Variants in MAP3K8 observed in about 807,000 individuals in gnomAD.
MAP3K8 encodes the protein mitogen-activated protein kinase kinase kinase 8, also known as Ewing sarcoma transformant.
A neutral mutation model predicts 45.8 loss-of-function variants in MAP3K8; 22 were observed. The observed-to-expected ratio is 0.48, with a 90% CI of 0.34 to 0.69. MAP3K8 has a LOEUF of 0.69. Among genes scored for constraint, MAP3K8 ranks in the 30% least tolerant of loss-of-function variants. MAP3K8 has a pLI of 0.01. For missense variants in MAP3K8, 419 were observed against 585.0 expected (o/e 0.72, Z 2.93); for synonymous variants, 223 against 214.3 (o/e 1.04, Z -0.36).
intron 6 of MAP3K8, among the ~76,000 whole-genome samples, chr10:30,456,348 G>T (rs764367444): frequency 1.3e-5 from 2 of 152,114 alleles, no homozygotes; most frequent in African/African-American, 2.4e-5. Flanking sequence ...AAGTCCTCTG[G>T]CTCTGCTGCA....
At chr10:30,454,258 C>G (rs1029265685) in intron 6 of MAP3K8, among the ~76,000 whole-genome samples, 1 of 152,028 alleles carries the variant, frequency 6.6e-6, no homozygotes, top group Non-Finnish European at 1.5e-5. Flanking sequence ...AGATGACAAC[C>G]CTTAGTCTAG....
chr10:30,438,084 C>T (rs1246957412), intron 2 of MAP3K8, among the ~76,000 whole-genome samples: 4 of 152,178 alleles, frequency 2.6e-5, no homozygotes, highest in Non-Finnish European at 5.9e-5. Context: ...GTCACTTGGA[C>T]TTGCTTATGA....
chr10:30,458,268 C>CGGGGGGGGGGCGGGGG, intron 7 of MAP3K8, 32 bp downstream of exon 7: 1 of 439,436 alleles, frequency 2.3e-6, no homozygotes, highest in Non-Finnish European at 3.7e-6. Context: ...CTGGGGGCGG[C>CGGGGGGGGGGCGGGGG]GGGGGGGGGC....
chr10:30,440,352 G>T (rs1351017886), intron 3 of MAP3K8, among the ~76,000 whole-genome samples: 2 of 152,174 alleles, frequency 1.3e-5, no homozygotes, highest in Non-Finnish European at 2.9e-5. Flanking sequence ...TGGCAAAATG[G>T]CTAATGTTGG....
At position 30,451,661 on chromosome 10, in the gene MAP3K8, A is replaced by G; in HGVS notation, c.790A>G (p.Thr264Ala). The change falls in exon 6 of 9, where the codon ACA (threonine) becomes GCA (alanine). Residue 264 changes from threonine (T) to alanine (A), a missense_variant. Thr to Ala is a moderately conservative substitution (Grantham distance 58). Around this residue, in one of 3 missense-constraint regions of MAP3K8, gnomAD observed 209 missense variants for 367.3 expected, o/e 0.57. Transcript: ENST00000263056. ...IKPSNIVFMS[T>A]KAVLVDFGLS... ...AGCTAGCAACATTGTTTTCATGTCCACAAAAGCTGTTTTGGTGGATTTTGG... is the reference window on the plus strand; with the variant it reads ...AGCTAGCAACATTGTTTTCATGTCCGCAAAAGCTGTTTTGGTGGATTTTGG... 6.3e-7 allele frequency: 1 copy of G among 1,594,962 alleles called. No individual in the cohort carries two copies. The highest frequency in any genetic ancestry group is 8.6e-7 in the Non-Finnish European group (1 of 1,169,376).
intron 3 of MAP3K8, among the ~76,000 whole-genome samples, chr10:30,440,907 T>A (rs1181197978): frequency 6.6e-6 from 1 of 152,156 alleles, no homozygotes; most frequent in African/African-American, 2.4e-5. Flanking sequence ...AAGACTTAGG[T>A]ATGTTTGCTT....
intron 1 of MAP3K8, 146 bp downstream of exon 1, chr10:30,434,524 C>T (rs1835847936): frequency 4.1e-6 from 4 of 985,626 alleles, no homozygotes; most frequent in Admixed American, 6.1e-5. Flanking sequence ...CCCACAGCTG[C>T]GCTCGCGGGT....
At chr10:30,449,864 CT>C (rs1836476490) in intron 4 of MAP3K8, among the ~76,000 whole-genome samples, 1 of 152,140 alleles carries the variant, frequency 6.6e-6, no homozygotes, top group African/African-American at 2.4e-5. Context: ...GCAACAAACA[CT>C]TCATATTATC....
At chr10:30,456,999 G>A (rs1335259655) in intron 6 of MAP3K8, among the ~76,000 whole-genome samples, 1 of 151,998 alleles carries the variant, frequency 6.6e-6, no homozygotes, top group Non-Finnish European at 1.5e-5. Context: ...CAGGAGAATA[G>A]CTTGAACCCG....
intron 1 of MAP3K8, among the ~76,000 whole-genome samples, chr10:30,436,603 T>C (rs999982436): frequency 6.6e-6 from 1 of 151,898 alleles, no homozygotes; most frequent in Non-Finnish European, 1.5e-5. Flanking sequence ...ACAGCTCTTT[T>C]AGGATTTGTC....
chr10:30,434,168 G>C (rs1157637425), upstream of MAP3K8: 1 of 152,786 alleles, frequency 6.5e-6, no homozygotes, highest in Non-Finnish European at 1.5e-5. Context: ...CTGAGCGTGC[G>C]GGCGACGCGG....
intron 4 of MAP3K8, among the ~76,000 whole-genome samples, 194 bp from the exon 5 acceptor site, chr10:30,450,064 A>T (rs1319547671): frequency 6.6e-6 from 1 of 152,228 alleles, no homozygotes; most frequent in Non-Finnish European, 1.5e-5. Context: ...TGAATTTTAT[A>T]CTTAAAGCTG....
intron 6 of MAP3K8, among the ~76,000 whole-genome samples, chr10:30,453,914 GAGAAGGAA>G (rs1474473114): frequency 1.2e-4 from 7 of 60,734 alleles, no homozygotes; most frequent in Admixed American, 5.1e-4. Context: ...GAGGGAGAGA[GAGAAGGAA>G]GGAAGGAAGG....
chr10:30,446,679 ACG>A (rs1836352059), intron 3 of MAP3K8, among the ~76,000 whole-genome samples: 3 of 152,252 alleles, frequency 2.0e-5, no homozygotes, highest in East Asian at 3.9e-4. Context: ...TGTTACAGGC[ACG>A]CGTTCCAGAT....
chr10:30,446,666 A>T (rs1210432976), intron 3 of MAP3K8, among the ~76,000 whole-genome samples: 1 of 152,146 alleles, frequency 6.6e-6, no homozygotes, highest in Non-Finnish European at 1.5e-5. Flanking sequence ...AACACTCTGG[A>T]CATGTTACAG....
At position 30,451,619 on chromosome 10, in the gene MAP3K8, A is replaced by T; in HGVS notation, c.767-19A>T. The T allele has an allele frequency of 1.1e-5, 16 of 1,424,594 alleles. No homozygotes were observed. The highest frequency in any genetic ancestry group is 1.4e-5 in the Non-Finnish European group (14 of 1,027,962). The allele number at this position is 1,424,594 out of a possible 1,614,324, so 88.2% of individuals were successfully genotyped here. A position where few individuals can be genotyped will look rare whatever the true frequency, so the allele number is the denominator to read the frequency against. ...GTATATAAAAAATTTTATCTTAAAA[A>T]TATTTCCTCTCATTTTAGCTAGCAA... On this transcript the variant is annotated intron_variant, in intron 5 of 8. Transcript: ENST00000263056.
chr10:30,459,978 G>T (rs970483991), intron 8 of MAP3K8, among the ~76,000 whole-genome samples: 1 of 152,080 alleles, frequency 6.6e-6, no homozygotes, highest in Non-Finnish European at 1.5e-5. Flanking sequence ...GAGTAGCTGG[G>T]ATTACAGGTG....
chr10:30,455,567 A>T (rs954724881), intron 6 of MAP3K8, among the ~76,000 whole-genome samples: 2 of 152,230 alleles, frequency 1.3e-5, no homozygotes, highest in African/African-American at 2.4e-5. Flanking sequence ...GAGAATACAT[A>T]GTGAATGCGA....
In MAP3K8 at chr10:30,460,884, G is replaced by T; in HGVS notation, c.*48G>T. Reference sequence around the variant, plus strand: ...TTAAGACAGCATTGATCTCCTGGAGGCTGGTTCTGCTGCCTCTACACAGGG... The same window carrying T: ...TTAAGACAGCATTGATCTCCTGGAGTCTGGTTCTGCTGCCTCTACACAGGG... On this transcript the variant is annotated 3_prime_UTR_variant, in exon 9 of 9. Transcript: ENST00000263056. 3.7e-6 allele frequency: 6 copies of T among 1,604,194 alleles called. No homozygotes were observed. Among genetic ancestry groups the T allele is most frequent in the Non-Finnish European group, 5.1e-6 (6 of 1,177,374 alleles).
Sources: gnomAD v4.1 joint callset for allele counts (sites outside exome capture counted in the v4.1 genomes callset) on GRCh38, gnomAD v4.1.1 for gene constraint, gnomAD v4.1.1 regional missense constraint, MANE v1.5 for transcripts, NCBI Gene and HGNC (gene_info 2026-07-23, HGNC 2026-07-21) for gene names.